Variants in L3MBTL4 observed in about 807,000 individuals in gnomAD.
L3MBTL4 encodes the protein lethal(3)malignant brain tumor-like protein 4.
In L3MBTL4, 70 loss-of-function variants were observed where a neutral mutation model predicts 84.5. That is an observed-to-expected ratio of 0.83 (90% CI 0.68 to 1.01). The LOEUF is 1.01. Among genes scored for constraint, L3MBTL4 ranks in the 50% least tolerant of loss-of-function variants. L3MBTL4 has a pLI of 0.00. For missense variants in L3MBTL4, 715 were observed against 754.8 expected, an observed-to-expected ratio of 0.95 and a Z score of 0.62; for synonymous variants, 274 against 259.8, an observed-to-expected ratio of 1.05 and a Z score of -0.52.
intron 14 of L3MBTL4, among the ~76,000 whole-genome samples, chr18:6,113,982 C>CT (rs564709581): frequency 2.1e-4 from 32 of 152,294 alleles, no homozygotes; most frequent in Non-Finnish European, 5.9e-5. Context: ...CTCGTCCTTC[C>CT]TCCTTTTGCT....
At chr18:6,183,534 G>C (rs373802881) in intron 12 of L3MBTL4, among the ~76,000 whole-genome samples, 2 of 152,170 alleles carry the variant, frequency 1.3e-5, no homozygotes, top group South Asian at 4.1e-4. Context: ...TTTGTCCTGA[G>C]ATTCTGAATT....
At chr18:6,383,301 C>A (rs2054676636) in intron 1 of L3MBTL4, among the ~76,000 whole-genome samples, 2 of 152,138 alleles carry the variant, frequency 1.3e-5, no homozygotes, top group South Asian at 4.2e-4. Flanking sequence ...GCTTCACTCC[C>A]CTTTCCAGGA....
rs374317244 is a variant in L3MBTL4, at chr18:6,159,638, C to A, written c.1096+12190G>T. ...TTAATCTGACGCGATGGTCCCTGCA[C>A]GGGAGGCTCCAGGGCATGCCACATG... On this transcript the variant is annotated intron_variant, in intron 13 of 18. Transcript: ENST00000317931. Among the ~76,000 whole-genome samples, 132 of 152,332 alleles carry A rather than the reference C, an allele frequency of 8.7e-4. No individual in the cohort carries two copies. In the South Asian group the frequency reaches 0.013, roughly 15 times the overall value.
chr18:6,317,731 C>T (rs2051181105), intron 1 of L3MBTL4, among the ~76,000 whole-genome samples: 1 of 152,026 alleles, frequency 6.6e-6, no homozygotes, highest in African/African-American at 2.4e-5. Context: ...ATTTAGATGT[C>T]CAAACACAAG....
chr18:6,161,924 A>T (rs2145014637), intron 13 of L3MBTL4, among the ~76,000 whole-genome samples: 1 of 149,852 alleles, frequency 6.7e-6, no homozygotes, highest in Non-Finnish European at 1.5e-5. Context: ...TATAATTCTT[A>T]TATATAAAAT....
At chr18:6,171,599 T>C (rs1421866710) in intron 13 of L3MBTL4, among the ~76,000 whole-genome samples, 2 of 152,220 alleles carry the variant, frequency 1.3e-5, no homozygotes, top group Admixed American at 6.5e-5. Flanking sequence ...AAAGATTCCT[T>C]TGGAAAACAC....
intron 17 of L3MBTL4, among the ~76,000 whole-genome samples, chr18:5,962,141 C>T (rs1008276909): frequency 6.6e-6 from 1 of 152,136 alleles, no homozygotes; most frequent in African/African-American, 2.4e-5. Context: ...AAGCTTATCA[C>T]TGACCACAAC....
chr18:6,323,959 G>T (rs995318900), intron 1 of L3MBTL4, among the ~76,000 whole-genome samples: 1 of 149,124 alleles, frequency 6.7e-6, no homozygotes, highest in Admixed American at 6.7e-5. Flanking sequence ...GGGAAGAATG[G>T]TTTTGTGCGT....
rs139734055 is a variant in L3MBTL4 at position 6,326,152 on chromosome 18, G to A, written c.-90-14096C>T. Among the ~76,000 whole-genome samples, 456 of 152,232 alleles carry A rather than the reference G, an allele frequency of 3.0e-3. 4 individuals are homozygous for A. Among genetic ancestry groups the A allele is most frequent in the African/African-American group, 9.9e-3 (412 of 41,548 alleles). ...CTTCTTGACACAGGGCATAAGCTGC[G>A]CCCTGGCATTTCTAACTCCACTGAA... On this transcript the variant is annotated intron_variant, in intron 1 of 18. Transcript: ENST00000317931.
At chr18:6,247,967 A>T (rs1044572144) in intron 5 of L3MBTL4, among the ~76,000 whole-genome samples, 10 of 152,124 alleles carry the variant, frequency 6.6e-5, no homozygotes, top group African/African-American at 2.4e-4. Flanking sequence ...TGATCATTCA[A>T]TCACAGTGTT....
intron 12 of L3MBTL4, among the ~76,000 whole-genome samples, chr18:6,183,010 A>G (rs190910568): frequency 4.6e-5 from 7 of 152,224 alleles, no homozygotes; most frequent in Non-Finnish European, 8.8e-5. Context: ...TGTGATAAAT[A>G]TATCTACATA....
At chr18:6,142,763 A>T (rs1274250884) in intron 13 of L3MBTL4, among the ~76,000 whole-genome samples, 1 of 152,072 alleles carries the variant, frequency 6.6e-6, no homozygotes, top group African/African-American at 2.4e-5. Context: ...CAAAAAAATA[A>T]TCTTAAAAGT....
chr18:6,000,102 A>G (rs2054148904), intron 16 of L3MBTL4, among the ~76,000 whole-genome samples: 1 of 152,214 alleles, frequency 6.6e-6, no homozygotes, highest in Admixed American at 6.5e-5. Context: ...AGAAAAAAGA[A>G]AGAAGAAAAA....
At chr18:6,402,059 C>G (rs2055535723) in intron 1 of L3MBTL4, among the ~76,000 whole-genome samples, 1 of 152,238 alleles carries the variant, frequency 6.6e-6, no homozygotes, top group African/African-American at 2.4e-5. Flanking sequence ...ATTTCTGTTA[C>G]TTGTTTTTCT....
At chr18:6,156,026 C>G (rs895583279) in intron 13 of L3MBTL4, among the ~76,000 whole-genome samples, 1 of 152,116 alleles carries the variant, frequency 6.6e-6, no homozygotes, top group East Asian at 1.9e-4. Flanking sequence ...TACCATTAAG[C>G]TTGTCCTTAA....
intron 1 of L3MBTL4, among the ~76,000 whole-genome samples, chr18:6,393,213 T>C (rs1207864170): frequency 6.6e-6 from 1 of 152,228 alleles, no homozygotes; most frequent in Non-Finnish European, 1.5e-5. Context: ...TTTTTAGATA[T>C]GCAACTAATT....
chr18:6,319,955 G>A (rs1463097910), intron 1 of L3MBTL4, among the ~76,000 whole-genome samples: 1 of 151,920 alleles, frequency 6.6e-6, no homozygotes, highest in African/African-American at 2.4e-5. Context: ...TGAACAAGTG[G>A]GTTTTATTCC....
intron 16 of L3MBTL4, among the ~76,000 whole-genome samples, chr18:6,065,216 A>G (rs1277784006): frequency 6.6e-6 from 1 of 151,878 alleles, no homozygotes; most frequent in Non-Finnish European, 1.5e-5. Flanking sequence ...ATCATAATGT[A>G]TTATTATTAT....
intron 13 of L3MBTL4, among the ~76,000 whole-genome samples, chr18:6,143,945 C>A (rs1237301951): frequency 6.6e-6 from 1 of 152,088 alleles, no homozygotes; most frequent in Non-Finnish European, 1.5e-5. Flanking sequence ...CGCCTGTAAT[C>A]CCAGCATTTT....
Sources: allele counts gnomAD v4.1 joint callset (sites outside exome capture counted in the v4.1 genomes callset), GRCh38; gene constraint gnomAD v4.1.1; transcripts MANE v1.5; gene names NCBI Gene and HGNC (gene_info 2026-07-23, HGNC 2026-07-21).